SYT9: variants seen among roughly 807,000 people sequenced by gnomAD.
SYT9 encodes synaptotagmin-9.
SYT9 carries 22 observed loss-of-function variants against 48.4 expected under a neutral mutation model. The ratio of observed to expected loss-of-function variants is 0.45; its 90% CI spans 0.32 to 0.65. The LOEUF (loss-of-function observed/expected upper bound fraction) is 0.65. Ranked by LOEUF, SYT9 falls within the 30% of genes least tolerant of loss-of-function variation. SYT9 has a pLI of 0.03. For synonymous variants in SYT9, 265 were observed against 245.0 expected (o/e 1.08, Z -0.76); for missense variants, 577 against 622.0 (o/e 0.93, Z 0.77).
At chr11:7,446,229 A>G (rs1237030163) in intron 6 of SYT9, among the ~76,000 whole-genome samples, 3 of 152,256 alleles carry the variant, frequency 2.0e-5, no homozygotes, top group Non-Finnish European at 4.4e-5. Flanking sequence ...TCTATGTTCA[A>G]GGATAATCAT....
At chr11:7,343,059 T>G (rs1215305626) in intron 3 of SYT9, among the ~76,000 whole-genome samples, 1 of 152,134 alleles carries the variant, frequency 6.6e-6, no homozygotes, top group African/African-American at 2.4e-5. Context: ...ATGGTAGGGG[T>G]ACACTGGACC....
In SYT9 at chr11:7,240,451, GT is replaced by G. The variant is rs572112526; in HGVS notation, c.49+1542del. Among the ~76,000 whole-genome samples the G allele has an allele frequency of 1.6e-3, 247 of 152,208 alleles. 1 individual carries two copies. Among genetic ancestry groups the G allele is most frequent in the Middle Eastern group, 0.01 (3 of 294 alleles). ...CAATCCTTTATAAAACCTGTCTACT[GT>G]TTTTTTCTTGAATAATATATGCAAG... On this transcript the variant is annotated intron_variant and NMD_transcript_variant, in intron 1 of 8. Coordinates refer to the SYT9 transcript ENST00000524820.
intron 1 of SYT9, among the ~76,000 whole-genome samples, chr11:7,267,118 A>G (rs1183896765): frequency 6.6e-6 from 1 of 152,104 alleles, no homozygotes; most frequent in Admixed American, 6.6e-5. Flanking sequence ...GTAAAGACTT[A>G]GAAGTCATAA....
chr11:7,299,395 T>C (rs973652605), intron 1 of SYT9, among the ~76,000 whole-genome samples: 1 of 152,220 alleles, frequency 6.6e-6, no homozygotes, highest in Admixed American at 6.5e-5. Flanking sequence ...ACAATTATGC[T>C]TGGTGTCTGG....
intron 6 of SYT9, among the ~76,000 whole-genome samples, chr11:7,448,339 A>G (rs1847975471): frequency 6.6e-6 from 1 of 152,214 alleles, no homozygotes; most frequent in African/African-American, 2.4e-5. Flanking sequence ...ATCTGGCTTG[A>G]GACTTGGGGA....
chr11:7,393,983 T>G (rs968546977), intron 3 of SYT9, among the ~76,000 whole-genome samples: 23 of 150,624 alleles, frequency 1.5e-4, no homozygotes, highest in Non-Finnish European at 1.9e-4. Context: ...TAATATACTT[T>G]AAGTTTTAGG....
intron 1 of SYT9, among the ~76,000 whole-genome samples, chr11:7,259,249 T>C (rs1848034287): frequency 6.6e-6 from 1 of 152,142 alleles, no homozygotes; most frequent in Non-Finnish European, 1.5e-5. Context: ...ATACTAGCCA[T>C]TATTTCTATT....
intron 3 of SYT9, among the ~76,000 whole-genome samples, chr11:7,382,240 C>A (rs918719914): frequency 1.3e-5 from 2 of 152,118 alleles, no homozygotes; most frequent in Non-Finnish European, 2.9e-5. Flanking sequence ...TCTACAGTAG[C>A]GCATGTGAGA....
chr11:7,361,300 A>T (rs374824288), intron 3 of SYT9, among the ~76,000 whole-genome samples: 17 of 152,154 alleles, frequency 1.1e-4, no homozygotes, highest in African/African-American at 4.1e-4. Flanking sequence ...CACTGTTTTA[A>T]CTGTTATTTA....
At chr11:7,329,248 G>A (rs143688176) in intron 3 of SYT9, among the ~76,000 whole-genome samples, 41 of 152,150 alleles carry the variant, frequency 2.7e-4, no homozygotes, top group African/African-American at 9.2e-4. Flanking sequence ...GTGCAGCTGG[G>A]TAATTTCTTT....
intron 3 of SYT9, among the ~76,000 whole-genome samples, chr11:7,370,289 T>C (rs1256164886): frequency 6.6e-6 from 1 of 152,234 alleles, no homozygotes; most frequent in Non-Finnish European, 1.5e-5. Flanking sequence ...AACAAGTCAC[T>C]TCTAGCAGTA....
intron 3 of SYT9, among the ~76,000 whole-genome samples, chr11:7,405,269 C>T (rs142828515): frequency 6.6e-6 from 1 of 152,268 alleles, no homozygotes; most frequent in African/African-American, 2.4e-5. Context: ...CTTCCCTCTG[C>T]ATCATCCCTG....
chr11:7,449,809 C>T (rs12576853), intron 6 of SYT9, among the ~76,000 whole-genome samples: 2 of 151,882 alleles, frequency 1.3e-5, no homozygotes, highest in East Asian at 1.9e-4. Flanking sequence ...CCTGAACTGT[C>T]TCTCCTCATG....
At chr11:7,387,380 TA>T (rs1179820187) in intron 3 of SYT9, among the ~76,000 whole-genome samples, 1 of 152,046 alleles carries the variant, frequency 6.6e-6, no homozygotes, top group Admixed American at 6.6e-5. Flanking sequence ...GAAAATAAAA[TA>T]AAAAAGGCAA....
chr11:7,428,496 T>G (rs1486681809), intron 6 of SYT9, among the ~76,000 whole-genome samples: 1 of 152,070 alleles, frequency 6.6e-6, no homozygotes, highest in Non-Finnish European at 1.5e-5. Context: ...CTCCTGATAG[T>G]GTGGTGGGAG....
Position 7,468,956 on chromosome 11 carries a change from C to T in SYT9, c.*2156C>T, listed in dbSNP as rs1398029592. On this transcript the variant is annotated 3_prime_UTR_variant, in exon 7 of 7. Coordinates refer to ENST00000318881, the MANE Select transcript of SYT9 (RefSeq NM_175733.4). ...AGAGGCTGGTTATAAATTTGAACTC[C>T]CTCAGCCCATTTGCAACTCTGCCTC... The T allele has an allele frequency of 6.6e-6, 1 of 150,868 alleles. No individual in the cohort carries two copies. Among genetic ancestry groups the T allele is most frequent in the Admixed American group, 6.6e-5 (1 of 15,122 alleles). The allele number at this position is 150,868 out of a possible 1,614,324, so 9.3% of individuals were successfully genotyped here.
intron 1 of SYT9, among the ~76,000 whole-genome samples, chr11:7,287,001 T>C (rs1206293804): frequency 6.6e-6 from 1 of 152,228 alleles, no homozygotes. Context: ...TTTTATATTT[T>C]CACATATCTT....
chr11:7,319,315 T>G (rs559574691), intron 3 of SYT9, among the ~76,000 whole-genome samples: 1 of 151,902 alleles, frequency 6.6e-6, no homozygotes, highest in African/African-American at 2.4e-5. Context: ...TATGCCTTTA[T>G]TTTGCTTTTA....
intron 3 of SYT9, among the ~76,000 whole-genome samples, chr11:7,368,564 G>A (rs751488545): frequency 2.6e-5 from 4 of 151,988 alleles, no homozygotes; most frequent in Admixed American, 6.6e-5. Context: ...CCCTCCCTGT[G>A]TCCATGTGTT....
Sources: gnomAD v4.1 joint callset for allele counts (sites outside exome capture counted in the v4.1 genomes callset) on GRCh38, gnomAD v4.1.1 for gene constraint, MANE v1.5 for transcripts, NCBI Gene and HGNC (gene_info 2026-07-23, HGNC 2026-07-21) for gene names.